The following SGCD variants were observed in gnomAD, a reference collection of about 807,000 sequenced individuals.
SGCD encodes delta-sarcoglycan.
Under a neutral mutation model 36.6 loss-of-function variants are expected in SGCD, and 18 were observed. The observed-to-expected ratio is 0.49, with a 90% CI of 0.34 to 0.73. The LOEUF is 0.73. Ranked by LOEUF, SGCD falls within the 30% of genes least tolerant of loss-of-function variation. The pLI is 0.01. For synonymous variants in SGCD, 133 were observed against 130.6 expected, an observed-to-expected ratio of 1.02 and a Z score of -0.12; for missense variants, 387 against 346.7, an observed-to-expected ratio of 1.12 and a Z score of -0.92.
chr5:156,046,117 G>A (rs993632170), intron 1 of SGCD, among the ~76,000 whole-genome samples: 1 of 152,022 alleles, frequency 6.6e-6, no homozygotes, highest in Non-Finnish European at 1.5e-5. Context: ...ATGGCTTGGG[G>A]AGTCCATTTT....
chr5:155,869,607 G>A (rs572290208), upstream of SGCD, among the ~76,000 whole-genome samples: 144 of 151,788 alleles, frequency 9.5e-4, no homozygotes, highest in Middle Eastern at 3.4e-3. Flanking sequence ...GGTCTGTCAC[G>A]TACATGGCAC....
the SGCD span, among the ~76,000 whole-genome samples, chr5:155,854,418 G>T: frequency 1.3e-5 from 2 of 152,128 alleles, no homozygotes; most frequent in Admixed American, 6.5e-5. Context: ...TATGACATAG[G>T]TAGTCAAATT....
intron 1 of SGCD, among the ~76,000 whole-genome samples, chr5:156,095,216 T>TACC (rs1761346417): frequency 1.3e-5 from 2 of 152,160 alleles, no homozygotes; most frequent in Non-Finnish European, 2.9e-5. Context: ...CCAAGAGGTA[T>TACC]GCCTACGCAA....
the SGCD span, among the ~76,000 whole-genome samples, chr5:155,854,567 A>G: frequency 6.6e-6 from 1 of 152,182 alleles, no homozygotes; most frequent in East Asian, 1.9e-4. Flanking sequence ...TGCTGATTCA[A>G]CTTGTTGGAC....
At chr5:156,400,645 A>T (rs1225370968) in intron 3 of SGCD, among the ~76,000 whole-genome samples, 1 of 152,260 alleles carries the variant, frequency 6.6e-6, no homozygotes, top group Non-Finnish European at 1.5e-5. Context: ...GTATGAAATC[A>T]TTGAAATTAC....
At chr5:156,682,146 C>T (rs1753745423) in intron 7 of SGCD, among the ~76,000 whole-genome samples, 2 of 152,160 alleles carry the variant, frequency 1.3e-5, no homozygotes, top group African/African-American at 2.4e-5. Context: ...ATGTTACTGA[C>T]TTATTCAAGG....
At chr5:155,978,495 G>GC (rs1331376404) in intron 1 of SGCD, among the ~76,000 whole-genome samples, 1 of 152,254 alleles carries the variant, frequency 6.6e-6, no homozygotes, top group Admixed American at 6.5e-5. Flanking sequence ...TCAATGGATT[G>GC]CCTTTAGGCA....
chr5:156,653,493 C>CTTTTTTTTTTCTTTTTTTTTTTT (rs1763546835), intron 7 of SGCD, among the ~76,000 whole-genome samples: 1 of 48,082 alleles, frequency 2.1e-5, no homozygotes, highest in African/African-American at 6.4e-5. Context: ...CTAAAGCTTG[C>CTTTTTTTTTTCTTTTTTTTTTTT]TTTTTTTTTT....
At chr5:156,425,307 A>C (rs976705751) in intron 3 of SGCD, among the ~76,000 whole-genome samples, 1 of 152,060 alleles carries the variant, frequency 6.6e-6, no homozygotes, top group African/African-American at 2.4e-5. Flanking sequence ...AGCTTCCTGG[A>C]AACCAGCCTC....
chr5:156,706,284 A>G (rs1282753621), intron 7 of SGCD, among the ~76,000 whole-genome samples: 1 of 152,136 alleles, frequency 6.6e-6, no homozygotes, highest in Non-Finnish European at 1.5e-5. Context: ...GTTTATCTCA[A>G]TTACAGTGGG....
intron 3 of SGCD, among the ~76,000 whole-genome samples, chr5:156,294,829 A>T (rs952623513): frequency 1.4e-4 from 21 of 152,164 alleles, no homozygotes; most frequent in African/African-American, 4.8e-4. Context: ...CCAGGAATAA[A>T]TCCCACTTGG....
intron 3 of SGCD, among the ~76,000 whole-genome samples, chr5:156,500,309 T>C (rs961266915): frequency 1.3e-5 from 2 of 152,218 alleles, no homozygotes; most frequent in Non-Finnish European, 2.9e-5. Context: ...TGCCAAGCCA[T>C]TTTTTAGGAA....
chr5:155,827,672 C>CT, the SGCD span, among the ~76,000 whole-genome samples: 921 of 64,356 alleles, frequency 0.014, 48 homozygotes, highest in African/African-American at 0.041. Flanking sequence ...CTAAATAATT[C>CT]TTTTTTTTTT....
At chr5:156,292,524 C>A (rs1332302921) in intron 3 of SGCD, among the ~76,000 whole-genome samples, 1 of 152,126 alleles carries the variant, frequency 6.6e-6, no homozygotes, top group Non-Finnish European at 1.5e-5. Flanking sequence ...GTTGCTTCCA[C>A]ATTTTAGCTA....
At chr5:156,074,526 A>G (rs1581081669) in intron 1 of SGCD, among the ~76,000 whole-genome samples, 1 of 152,164 alleles carries the variant, frequency 6.6e-6, no homozygotes, top group Non-Finnish European at 1.5e-5. Flanking sequence ...TACTAAAAAT[A>G]TAAAAATTAG....
At chr5:156,040,436 A>T (rs941200300) in intron 1 of SGCD, among the ~76,000 whole-genome samples, 1 of 152,224 alleles carries the variant, frequency 6.6e-6, no homozygotes, top group Non-Finnish European at 1.5e-5. Context: ...GTCCCTGATT[A>T]TAATTATCCA....
chr5:155,746,320 G>T, the SGCD span, among the ~76,000 whole-genome samples: 1 of 152,016 alleles, frequency 6.6e-6, no homozygotes, highest in Non-Finnish European at 1.5e-5. Flanking sequence ...GCAAGCAAAA[G>T]GTTTATTAAG....
chr5:155,973,975 G>A (rs770338824), intron 1 of SGCD, among the ~76,000 whole-genome samples: 80 of 152,136 alleles, frequency 5.3e-4, no homozygotes, highest in Non-Finnish European at 4.4e-4. Context: ...AAGTAAGGGT[G>A]AATAAAAACT....
the SGCD span, among the ~76,000 whole-genome samples, chr5:155,855,137 C>T: frequency 2.0e-5 from 3 of 152,142 alleles, no homozygotes; most frequent in African/African-American, 7.2e-5. Flanking sequence ...TGAATCTCTG[C>T]CTGAGGGAAT....
Sources: gnomAD v4.1 joint callset for allele counts (sites outside exome capture counted in the v4.1 genomes callset) on GRCh38, gnomAD v4.1.1 for gene constraint, MANE v1.5 for transcripts, NCBI Gene and HGNC (gene_info 2026-07-23, HGNC 2026-07-21) for gene names.